PIWIL4: variants seen among roughly 807,000 people sequenced by gnomAD.
PIWIL4 encodes piwi-like protein 4.
A neutral mutation model predicts 100.9 loss-of-function variants in PIWIL4; 50 were observed. The observed-to-expected ratio is 0.50, with a 90% CI of 0.39 to 0.63. The LOEUF is 0.63. Ranked by LOEUF, PIWIL4 falls within the 20% of genes least tolerant of loss-of-function variation. The pLI, the probability that PIWIL4 is intolerant of heterozygous loss-of-function variation, is 0.00. For synonymous variants in PIWIL4, 342 were observed against 367.5 expected (o/e 0.93, Z 0.79); for missense variants, 887 against 1,043.3 (o/e 0.85, Z 2.06).
At chr11:94,608,991 C>T (rs1376403118) in intron 15 of PIWIL4, among the ~76,000 whole-genome samples, 1 of 152,170 alleles carries the variant, frequency 6.6e-6, no homozygotes, top group African/African-American at 2.4e-5. Flanking sequence ...ATATTGGGAA[C>T]TGAACTAGGT....
chr11:94,614,814 C>A (rs373513693), intron 15 of PIWIL4, among the ~76,000 whole-genome samples: 186 of 152,232 alleles, frequency 1.2e-3, no homozygotes, highest in African/African-American at 4.4e-3. Flanking sequence ...TGGGGGGATC[C>A]TTAAAATTGC....
At position 94,619,744 on chromosome 11, in the gene PIWIL4, CCTCT is replaced by C. The variant is rs758604525; in HGVS notation, c.2169-13_2169-10del. On this transcript the variant is annotated splice_polypyrimidine_tract_variant and intron_variant, in intron 17 of 19. Transcript: ENST00000299001. ...TGGATTGAGTTCTTTTCATATTTTG[CCTCT>C]CTAATTTTTAGCTCAAGACTGTCGG... is the stretch of plus-strand genomic sequence containing the variant. The C allele has an allele frequency of 1.6e-5, 25 of 1,604,958 alleles. No individual in the cohort carries two copies. In the East Asian group the frequency reaches 4.0e-4, roughly 26 times the overall value.
rs765894413 is a variant in PIWIL4 at position 94,577,328 on chromosome 11, T to G, written c.349T>G (p.Phe117Val). 1 of 1,614,114 alleles carries G rather than the reference T, an allele frequency of 6.2e-7. No homozygotes were observed. The highest frequency in any genetic ancestry group is 1.1e-5 in the South Asian group (1 of 91,080). Residue 117 changes from phenylalanine (F) to valine (V), a missense_variant, in exon 4 of 20, where the codon TTT (phenylalanine) becomes GTT (valine). Coordinates refer to ENST00000299001, the MANE Select transcript of PIWIL4 (RefSeq NM_152431.3). ...GGTTACAAACCTCTTTAACTTAGAT[T>G]TTCCCCAAGACTGGCAGCTATACCA... is the stretch of plus-strand genomic sequence containing the variant. The part of the protein sequence containing the change: ...KLVTNLFNLD[F>V]PQDWQLYQYH...
At position 94,619,876 on chromosome 11, in the gene PIWIL4, G is replaced by A. The variant is rs749598394; in HGVS notation, c.2285G>A (p.Arg762His). ...LGTVVDSEATRNEWYDFYLIS... is the reference protein window; with the variant it reads ...LGTVVDSEATHNEWYDFYLIS... ...ACTGTTGTGGATTCAGAAGCAACAC[G>A]TAACGAATGGCAAGTGCCGCTGGAA... The change falls in exon 18 of 20, where the codon CGT becomes CAT. Residue 762 changes from arginine (R) to histidine (H), a missense_variant. Physicochemically the swap from Arg to His is conservative, Grantham distance 29. Coordinates refer to ENST00000299001, the MANE Select transcript of PIWIL4 (RefSeq NM_152431.3). 25 of 1,614,070 alleles carry A rather than the reference G, an allele frequency of 1.5e-5. No homozygotes were observed. Among genetic ancestry groups the A allele is most frequent in the African/African-American group, 4.0e-5 (3 of 74,938 alleles).
At chr11:94,593,666 G>C (rs1237222507) in intron 9 of PIWIL4, 25 bp downstream of exon 9, 1 of 1,611,138 alleles carries the variant, frequency 6.2e-7, no homozygotes, top group Admixed American at 1.7e-5. Flanking sequence ...TTATACCTCT[G>C]TCAGGCTCCT....
chr11:94,577,564 T>A, intron 4 of PIWIL4, 72 bp downstream of exon 4: 1 of 1,174,698 alleles, frequency 8.5e-7, no homozygotes, highest in Non-Finnish European at 1.2e-6. Flanking sequence ...CACACACATA[T>A]ATATGCATAT....
intron 9 of PIWIL4, among the ~76,000 whole-genome samples, chr11:94,594,478 AAAAG>A (rs756523559): frequency 1.8e-3 from 269 of 151,504 alleles, no homozygotes; most frequent in Middle Eastern, 3.4e-3. Context: ...AAAAAAAAGG[AAAAG>A]AAAGAAAGAA....
intron 2 of PIWIL4, among the ~76,000 whole-genome samples, chr11:94,571,865 T>A (rs1948159232): frequency 6.6e-6 from 1 of 152,216 alleles, no homozygotes; most frequent in African/African-American, 2.4e-5. Context: ...TGCCACACTG[T>A]CTTCCAAAAT....
intron 7 of PIWIL4, among the ~76,000 whole-genome samples, chr11:94,588,026 A>G (rs540710572): frequency 3.9e-5 from 6 of 152,304 alleles, no homozygotes; most frequent in African/African-American, 4.8e-5. Flanking sequence ...AAAGTGTGCC[A>G]TGGTGGTTTG....
intron 4 of PIWIL4, among the ~76,000 whole-genome samples, chr11:94,583,106 A>T (rs1037081581): frequency 6.6e-6 from 1 of 151,396 alleles, no homozygotes; most frequent in Non-Finnish European, 1.5e-5. Flanking sequence ...AACTTTTATC[A>T]GACTCTCAAA....
intron 2 of PIWIL4, among the ~76,000 whole-genome samples, chr11:94,569,281 A>G (rs904416702): frequency 6.6e-6 from 1 of 152,244 alleles, no homozygotes; most frequent in African/African-American, 2.4e-5. Context: ...GTGGTAACAT[A>G]TATAAGAGAA....
Position 94,599,283 on chromosome 11 carries a change from A to AT in PIWIL4, c.1380+1375dup, listed in dbSNP as rs564886307. Among the ~76,000 whole-genome samples, 440 of 152,148 alleles carry AT rather than the reference A, an allele frequency of 2.9e-3. 4 individuals are homozygous for AT. Among genetic ancestry groups the AT allele is most frequent in the African/African-American group, 0.01 (418 of 41,510 alleles). ...CTTTCATTTTTATGTATTTGTTTGCATTTTTTTGGTGTAGAAACTGGTGTC... is the reference window on the plus strand; with the variant it reads ...CTTTCATTTTTATGTATTTGTTTGCATTTTTTTTGGTGTAGAAACTGGTGTC... On this transcript the variant is annotated intron_variant, in intron 11 of 19. Transcript: ENST00000299001.
intron 8 of PIWIL4, 147 bp from the exon 9 acceptor site, chr11:94,593,371 G>C (rs749127992): frequency 3.0e-6 from 2 of 673,236 alleles, no homozygotes; most frequent in South Asian, 5.6e-5. Flanking sequence ...GATAGGTCCT[G>C]GGAAGAAAGT....
At chr11:94,611,085 C>T (rs887143734) in intron 15 of PIWIL4, among the ~76,000 whole-genome samples, 3 of 152,178 alleles carry the variant, frequency 2.0e-5, no homozygotes, top group South Asian at 2.1e-4. Flanking sequence ...TGACTGTATA[C>T]GTGTGGATTT....
At chr11:94,619,722 A>G in intron 17 of PIWIL4, 38 bp from the exon 18 acceptor site, 1 of 1,589,704 alleles carries the variant, frequency 6.3e-7, no homozygotes, top group Non-Finnish European at 8.6e-7. Flanking sequence ...TATAGATTGG[A>G]TTGAGTTCTT....
In PIWIL4 at chr11:94,596,917, T is replaced by C. The variant is rs142486565; in HGVS notation, c.1269-887T>C. Among the ~76,000 whole-genome samples, 26 of 152,282 alleles carry C rather than the reference T, an allele frequency of 1.7e-4. No individual in the cohort carries two copies. The East Asian group carries it at 3.3e-3, about 19-fold the overall frequency. ...GAGACAGTGGTGAAGAGGTTTGAGC[T>C]TCCCTAAAAAAATTGGTAGAGCTTT... On this transcript the variant is annotated intron_variant, in intron 10 of 19. Transcript: ENST00000299001.
At chr11:94,570,031 G>A (rs1187770368) in intron 2 of PIWIL4, among the ~76,000 whole-genome samples, 3 of 152,132 alleles carry the variant, frequency 2.0e-5, no homozygotes, top group Non-Finnish European at 2.9e-5. Flanking sequence ...AAGGATGGTA[G>A]AAACCTGGTA....
chr11:94,589,972 C>T (rs1360427476), intron 8 of PIWIL4, among the ~76,000 whole-genome samples: 1 of 152,156 alleles, frequency 6.6e-6, no homozygotes, highest in Non-Finnish European at 1.5e-5. Context: ...AAGCTCTAGC[C>T]GCATTTGCAA....
chr11:94,574,889 C>A, intron 2 of PIWIL4, 110 bp from the exon 3 acceptor site: 2 of 1,132,618 alleles, frequency 1.8e-6, no homozygotes, highest in Non-Finnish European at 2.6e-6. Context: ...TATGGGCAAA[C>A]TGTATTCAAA....
Sources: gnomAD v4.1 joint callset for allele counts (sites outside exome capture counted in the v4.1 genomes callset) on GRCh38, gnomAD v4.1.1 for gene constraint, MANE v1.5 for transcripts, NCBI Gene and HGNC (gene_info 2026-07-23, HGNC 2026-07-21) for gene names.